Variants in CCDC93 observed in about 807,000 individuals in gnomAD.
CCDC93 encodes the protein coiled-coil domain-containing protein 93.
CCDC93 carries 61 observed loss-of-function variants against 108.2 expected under a neutral mutation model. The ratio of observed to expected loss-of-function variants is 0.56; its 90% CI spans 0.46 to 0.70. The LOEUF (loss-of-function observed/expected upper bound fraction) is 0.70. Ranked by LOEUF, CCDC93 falls within the 30% of genes least tolerant of loss-of-function variation. The pLI is 0.00. For synonymous variants in CCDC93, 276 were observed against 260.4 expected, an observed-to-expected ratio of 1.06 and a Z score of -0.58; for missense variants, 685 against 764.2, an observed-to-expected ratio of 0.90 and a Z score of 1.22.
intron 22 of CCDC93, among the ~76,000 whole-genome samples, chr2:117,933,023 T>G (rs1678397056): frequency 6.6e-6 from 1 of 152,212 alleles, no homozygotes; most frequent in Non-Finnish European, 1.5e-5. Context: ...GGATCCACTG[T>G]GGGAGTTAGT....
chr2:117,936,538 G>A (rs1024477188), intron 21 of CCDC93, 164 bp downstream of exon 21: 17 of 677,070 alleles, frequency 2.5e-5, no homozygotes, highest in Non-Finnish European at 3.8e-5. Context: ...CAAGGAGAGT[G>A]TAAACAAGAT....
intron 15 of CCDC93, among the ~76,000 whole-genome samples, 165 bp from the exon 16 acceptor site, chr2:117,947,047 G>A (rs568857385): frequency 2.0e-5 from 3 of 152,318 alleles, no homozygotes; most frequent in East Asian, 3.9e-4. Context: ...GCCTGGGAAA[G>A]TTCTTTTCAG....
chr2:117,942,594 C>T (rs1448793547), intron 18 of CCDC93, among the ~76,000 whole-genome samples: 3 of 152,204 alleles, frequency 2.0e-5, no homozygotes, highest in South Asian at 2.1e-4. Context: ...CTCTGCTCGG[C>T]TCCCACAAGC....
At chr2:117,973,760 A>G (rs997960491) in intron 11 of CCDC93, 148 bp downstream of exon 11, 2 of 649,798 alleles carry the variant, frequency 3.1e-6, no homozygotes, top group Admixed American at 2.4e-5. Flanking sequence ...CCGGTTGTGC[A>G]TGGTAAAGCC....
At chr2:117,967,056 G>A (rs1011229647) in intron 11 of CCDC93, among the ~76,000 whole-genome samples, 6 of 152,096 alleles carry the variant, frequency 3.9e-5, no homozygotes, top group South Asian at 2.1e-4. Flanking sequence ...GCAGTGGCGC[G>A]ATCTCAGCTC....
chr2:117,974,712 AG>A, intron 10 of CCDC93, 137 bp downstream of exon 10: 1 of 654,482 alleles, frequency 1.5e-6, no homozygotes, highest in Non-Finnish European at 2.7e-6. Context: ...GATTAACAAA[AG>A]GAACTCCCTG....
At chr2:117,950,027 C>T (rs545581192) in intron 13 of CCDC93, 40 of 985,272 alleles carry the variant, frequency 4.1e-5, no homozygotes, top group Non-Finnish European at 4.7e-5. Context: ...AGAGGCAGGG[C>T]GGGGTCCCAC....
chr2:117,940,707 TGAG>T (rs1192651474), intron 19 of CCDC93, among the ~76,000 whole-genome samples: 13 of 152,158 alleles, frequency 8.5e-5, no homozygotes, highest in African/African-American at 3.1e-4. Flanking sequence ...ATGGCAGCCT[TGAG>T]GGCCATTCTG....
chr2:117,942,922 T>G (rs920626389), intron 18 of CCDC93, among the ~76,000 whole-genome samples: 1 of 152,250 alleles, frequency 6.6e-6, no homozygotes, highest in Non-Finnish European at 1.5e-5. Flanking sequence ...AGTCCATTAA[T>G]TCTCTTTTAT....
intron 7 of CCDC93, among the ~76,000 whole-genome samples, chr2:117,978,967 C>G (rs1430305536): frequency 6.6e-6 from 1 of 152,180 alleles, no homozygotes; most frequent in African/African-American, 2.4e-5. Flanking sequence ...GAGATCATAG[C>G]ACTGGACTCC....
At chr2:117,944,268 C>T (rs1376082064) in intron 17 of CCDC93, among the ~76,000 whole-genome samples, 182 bp from the exon 18 acceptor site, 2 of 152,208 alleles carry the variant, frequency 1.3e-5, no homozygotes, top group African/African-American at 2.4e-5. Context: ...GATACCCTCT[C>T]ATATCATGTT....
chr2:117,970,996 T>G (rs1488617226), intron 11 of CCDC93, among the ~76,000 whole-genome samples: 1 of 152,108 alleles, frequency 6.6e-6, no homozygotes, highest in Non-Finnish European at 1.5e-5. Context: ...CAGAAACAAC[T>G]TAAAATTGTG....
intron 23 of CCDC93, among the ~76,000 whole-genome samples, chr2:117,922,303 G>A (rs1490408283): frequency 6.6e-6 from 1 of 152,084 alleles, no homozygotes; most frequent in Non-Finnish European, 1.5e-5. Context: ...CATATTCTCC[G>A]TCTCTTCAAA....
intron 23 of CCDC93, among the ~76,000 whole-genome samples, chr2:117,921,477 G>T (rs965951388): frequency 5.3e-5 from 8 of 152,192 alleles, no homozygotes; most frequent in Non-Finnish European, 1.0e-4. Context: ...GTCACAAGGA[G>T]TCCTGCTTTT....
At chr2:117,999,541 C>T (rs759068844) in intron 4 of CCDC93, 2 of 152,220 alleles carry the variant, frequency 1.3e-5, no homozygotes, top group African/African-American at 2.4e-5. Context: ...AGTCCCTTTG[C>T]TCCTCCTCTT....
At chr2:118,009,618 G>A (rs1676970546) in intron 1 of CCDC93, among the ~76,000 whole-genome samples, 1 of 152,210 alleles carries the variant, frequency 6.6e-6, no homozygotes, top group Admixed American at 6.5e-5. Context: ...GTTGCAGTGA[G>A]GTGAGACTGT....
chr2:117,925,793 A>G (rs1038068694), intron 23 of CCDC93, among the ~76,000 whole-genome samples: 8 of 152,274 alleles, frequency 5.3e-5, no homozygotes, highest in African/African-American at 1.7e-4. Flanking sequence ...AGAACTCTCC[A>G]CCCCAAATCA....
chr2:117,955,879 A>G (rs573854954), intron 12 of CCDC93, among the ~76,000 whole-genome samples: 24 of 152,322 alleles, frequency 1.6e-4, no homozygotes, highest in Middle Eastern at 6.8e-3. Context: ...GCAAAGGCCT[A>G]AAAACAGGTT....
intron 7 of CCDC93, among the ~76,000 whole-genome samples, chr2:117,981,067 G>A (rs1053179697): frequency 6.6e-6 from 1 of 152,156 alleles, no homozygotes; most frequent in Admixed American, 6.5e-5. Flanking sequence ...CCCATTATAT[G>A]AGTAAGCCAC....
Sources: gnomAD v4.1 joint callset for allele counts (sites outside exome capture counted in the v4.1 genomes callset) on GRCh38, gnomAD v4.1.1 for gene constraint, MANE v1.5 for transcripts, NCBI Gene and HGNC (gene_info 2026-07-23, HGNC 2026-07-21) for gene names.